The following GALNT13 variants were observed in gnomAD, a reference collection of about 807,000 sequenced individuals.
GALNT13 encodes the protein polypeptide N-acetylgalactosaminyltransferase 13, also known as UDP-GalNAc:polypeptide N-acetylgalactosaminyltransferase 13.
A neutral mutation model predicts 64.2 loss-of-function variants in GALNT13; 28 were observed. The observed-to-expected ratio is 0.44, with a 90% confidence interval of 0.32 to 0.60. The LOEUF is 0.60. Among genes scored for constraint, GALNT13 ranks in the 20% least tolerant of loss-of-function variants. GALNT13 has a pLI of 0.05. For synonymous variants in GALNT13, 214 were observed against 224.6 expected, an observed-to-expected ratio of 0.95 and a Z score of 0.42; for missense variants, 577 against 669.8, an observed-to-expected ratio of 0.86 and a Z score of 1.53.
chr2:154,118,426 A>T (rs1343066992), intron 3 of GALNT13, among the ~76,000 whole-genome samples: 1 of 151,766 alleles, frequency 6.6e-6, no homozygotes, highest in Non-Finnish European at 1.5e-5. Flanking sequence ...TAGTGAAGTC[A>T]ATCTCTTTTT....
At chr2:153,136,942 C>T in the GALNT13 span, among the ~76,000 whole-genome samples, 1 of 151,612 alleles carries the variant, frequency 6.6e-6, no homozygotes, top group African/African-American at 2.4e-5. Context: ...ATCTGCCTGT[C>T]CTGAGGATGT....
At chr2:153,596,241 G>A in the GALNT13 span, among the ~76,000 whole-genome samples, 1 of 152,124 alleles carries the variant, frequency 6.6e-6, no homozygotes, top group African/African-American at 2.4e-5. Flanking sequence ...CAAATAAGGT[G>A]TCTATGCCCA....
chr2:153,819,630 C>G, the GALNT13 span, among the ~76,000 whole-genome samples: 2 of 152,328 alleles, frequency 1.3e-5, no homozygotes, highest in East Asian at 3.9e-4. Flanking sequence ...ACAGAGAACA[C>G]CTCACAGTAA....
chr2:153,694,634 C>A, the GALNT13 span, among the ~76,000 whole-genome samples: 1 of 152,162 alleles, frequency 6.6e-6, no homozygotes, highest in East Asian at 1.9e-4. Flanking sequence ...ATGAGAAAAC[C>A]ATCTATGGTG....
rs1239206537 is a variant in GALNT13, at chr2:154,298,610, A to ATATATAC, written c.976-2799_976-2798insTATATAC. Reference sequence around the variant, plus strand: ...AATTTATATATACAATGTATATATTAATTTATATATACATTGTATATATAA... The same window carrying ATATATAC: ...AATTTATATATACAATGTATATATTATATATACATTTATATATACATTGTATATATAA... On this transcript the variant is annotated intron_variant, in intron 8 of 12. Transcript: ENST00000392825. Among the ~76,000 whole-genome samples, 11 of 88,504 alleles carry ATATATAC rather than the reference A, an allele frequency of 1.2e-4. 1 individual carries two copies. The highest frequency in any genetic ancestry group is 5.1e-4 in the African/African-American group (11 of 21,714). 58.1% of individuals were successfully genotyped at this position (88,504 alleles called of 152,430 possible). A position where few individuals can be genotyped will look rare whatever the true frequency, so the allele number is the denominator to read the frequency against.
chr2:153,830,574 A>G, the GALNT13 span, among the ~76,000 whole-genome samples: 1 of 152,072 alleles, frequency 6.6e-6, no homozygotes, highest in South Asian at 2.1e-4. Context: ...ATATCTCTCT[A>G]ATTGCTAAAG....
chr2:154,254,714 T>C (rs1459901717), intron 7 of GALNT13, among the ~76,000 whole-genome samples: 1 of 152,224 alleles, frequency 6.6e-6, no homozygotes, highest in Non-Finnish European at 1.5e-5. Flanking sequence ...TTTTCAGGTC[T>C]ATGATGTACA....
intron 3 of GALNT13, among the ~76,000 whole-genome samples, chr2:153,956,107 G>T (rs1282480112): frequency 6.6e-6 from 1 of 152,166 alleles, no homozygotes; most frequent in Admixed American, 6.5e-5. Context: ...CCAAAATGAG[G>T]TTACACATTG....
At chr2:153,096,978 G>T in the GALNT13 span, among the ~76,000 whole-genome samples, 412 of 151,916 alleles carry the variant, frequency 2.7e-3, 1 homozygote, top group South Asian at 5.0e-3. Flanking sequence ...TTTATTGAAG[G>T]TAATTTTCTC....
At chr2:153,511,359 G>A in the GALNT13 span, among the ~76,000 whole-genome samples, 1 of 152,060 alleles carries the variant, frequency 6.6e-6, no homozygotes, top group South Asian at 2.1e-4. Context: ...CGTGATTCAA[G>A]CAGGTTCCTG....
At chr2:154,013,526 G>A (rs1184585283) in intron 3 of GALNT13, among the ~76,000 whole-genome samples, 1 of 152,154 alleles carries the variant, frequency 6.6e-6, no homozygotes, top group Admixed American at 6.5e-5. Flanking sequence ...GTGGGGTGGT[G>A]CACTAGTATG....
At chr2:153,575,853 A>T in the GALNT13 span, among the ~76,000 whole-genome samples, 1 of 152,244 alleles carries the variant, frequency 6.6e-6, no homozygotes, top group Admixed American at 6.5e-5. Context: ...TCCTGTGTCC[A>T]TGCAGGTACT....
the GALNT13 span, among the ~76,000 whole-genome samples, chr2:153,730,312 C>T: frequency 6.6e-6 from 1 of 151,856 alleles, no homozygotes; most frequent in African/African-American, 2.4e-5. Flanking sequence ...TGATTTTTGA[C>T]AAAATTGACA....
At chr2:153,965,809 A>T (rs1693294556) in intron 3 of GALNT13, among the ~76,000 whole-genome samples, 1 of 151,442 alleles carries the variant, frequency 6.6e-6, no homozygotes, top group Admixed American at 6.6e-5. Context: ...GCAAAAAAAA[A>T]ACCCAAAAAC....
chr2:153,138,676 G>A, the GALNT13 span, among the ~76,000 whole-genome samples: 2 of 152,052 alleles, frequency 1.3e-5, no homozygotes, highest in South Asian at 2.1e-4. Flanking sequence ...GATTTTAAAT[G>A]TTATCTATGT....
intron 1 of GALNT13, among the ~76,000 whole-genome samples, chr2:153,882,222 G>A (rs1486054588): frequency 6.6e-6 from 1 of 151,994 alleles, no homozygotes; most frequent in Non-Finnish European, 1.5e-5. Flanking sequence ...GCTTGAAGTT[G>A]AGGAGATTCA....
At chr2:154,134,403 A>T (rs1319394235) in intron 3 of GALNT13, among the ~76,000 whole-genome samples, 1 of 152,192 alleles carries the variant, frequency 6.6e-6, no homozygotes, top group Non-Finnish European at 1.5e-5. Flanking sequence ...TGAGAAAAGG[A>T]ATAATTCTAA....
intron 3 of GALNT13, among the ~76,000 whole-genome samples, chr2:154,048,122 A>C (rs1699381247): frequency 6.6e-6 from 1 of 152,186 alleles, no homozygotes; most frequent in African/African-American, 2.4e-5. Flanking sequence ...CAAACACTTC[A>C]CATGGCTAGA....
chr2:154,149,350 G>A (rs1470038864), intron 4 of GALNT13, among the ~76,000 whole-genome samples: 1 of 152,182 alleles, frequency 6.6e-6, no homozygotes, highest in Non-Finnish European at 1.5e-5. Context: ...ATAGTTTGAA[G>A]TCAGGTAGCG....
Sources: allele counts gnomAD v4.1 joint callset (sites outside exome capture counted in the v4.1 genomes callset), GRCh38; gene constraint gnomAD v4.1.1; transcripts MANE v1.5; gene names NCBI Gene and HGNC (gene_info 2026-07-23, HGNC 2026-07-21).